The following CHD5 variants were observed in gnomAD, a reference collection of about 807,000 sequenced individuals.
CHD5 encodes ATP-dependent chromatin remodeler CHD5.
Under a neutral mutation model 230.3 loss-of-function variants are expected in CHD5, and 69 were observed. The observed-to-expected ratio is 0.30, with a 90% CI of 0.25 to 0.37. The LOEUF (loss-of-function observed/expected upper bound fraction) is 0.37. Among genes scored for constraint, CHD5 ranks in the 10% least tolerant of loss-of-function variants. The pLI is 1.00. For missense variants in CHD5, 1,827 were observed against 2,622.8 expected (o/e 0.70, Z 6.63); for synonymous variants, 1,064 against 1,065.9 (o/e 1.00, Z 0.03).
rs200695128 is a variant in CHD5 at position 6,110,012 on chromosome 1, G to A, written c.5383-22C>T. 4.2e-4 allele frequency: 630 copies of A among 1,502,810 alleles called. 2 individuals carry two copies. The East Asian group carries it at 0.012, about 28-fold the overall frequency. The allele number at this position is 1,502,810 out of a possible 1,614,324, so 93.1% of individuals were successfully genotyped here. ...GCAGCTGGGGGCGGGGCGCAGCGTC[G>A]GCCCGGCCCCTCCCGCTGAATGGCT... On this transcript the variant is annotated intron_variant, in intron 37 of 41. Transcript: ENST00000262450.
At chr1:6,138,400 T>C (rs563677948) in intron 15 of CHD5, among the ~76,000 whole-genome samples, 1 of 151,486 alleles carries the variant, frequency 6.6e-6, no homozygotes. Context: ...GCAAGCAAAT[T>C]TAAAACACCT....
At chr1:6,168,566 A>G (rs185958711) in intron 1 of CHD5, among the ~76,000 whole-genome samples, 1 of 152,384 alleles carries the variant, frequency 6.6e-6, no homozygotes, top group African/African-American at 2.4e-5. Context: ...CTGAACCTCC[A>G]TGAACAACAA....
intron 2 of CHD5, among the ~76,000 whole-genome samples, chr1:6,162,504 G>A (rs548695964): frequency 2.2e-4 from 33 of 152,286 alleles, no homozygotes; most frequent in African/African-American, 7.2e-4. Context: ...GGGATGGGAC[G>A]TGCACCCAGG....
In CHD5 at chr1:6,154,128, C is replaced by T. The variant is rs1168201203; in HGVS notation, c.745+532G>A. Reference sequence around the variant, plus strand: ...GCCCAGTCCCTCCAACTCCTGCCTGCTTCCCGGATCCTAAAGCTGGAGGGG... The same window carrying T: ...GCCCAGTCCCTCCAACTCCTGCCTGTTTCCCGGATCCTAAAGCTGGAGGGG... On this transcript the variant is annotated intron_variant, in intron 5 of 41. Transcript: ENST00000262450. The surrounding 1 kb of genome is among the most constrained non-coding windows in gnomAD (Gnocchi z 7.0). Among the ~76,000 whole-genome samples, 1 of 152,200 alleles carries T rather than the reference C, an allele frequency of 6.6e-6. No individual in the cohort carries two copies. The highest frequency in any genetic ancestry group is 1.5e-5 in the Non-Finnish European group (1 of 68,028).
At position 6,123,945 on chromosome 1, in the gene CHD5, G is replaced by C; in HGVS notation, c.4699+3C>G. 6.5e-7 allele frequency: 1 copy of C among 1,536,608 alleles called. No homozygotes were observed. Among genetic ancestry groups the C allele is most frequent in the Non-Finnish European group, 8.7e-7 (1 of 1,144,964 alleles). ...CCCTCCCCGGCCCGCCCAGCCCACA[G>C]ACCTGGCAGGCCCAGCGGGGCTGGC... On this transcript the variant is annotated splice_donor_region_variant and intron_variant, in intron 31 of 41. Coordinates refer to ENST00000262450, the MANE Select transcript of CHD5 (RefSeq NM_015557.3).
In CHD5 at chr1:6,151,849, G is replaced by A. The variant is rs550333048; in HGVS notation, c.870+563C>T. 3.5e-4 allele frequency among the ~76,000 whole-genome samples: 53 copies of A among 152,270 alleles called. 1 individual carries two copies. Among genetic ancestry groups the A allele is most frequent in the Admixed American group, 2.3e-3 (35 of 15,306 alleles). ...AGCTACCTGTGGGGGTGAGGAGGGC[G>A]AATGCCCCTCACACTCACAGAGAAA... On this transcript the variant is annotated intron_variant, in intron 6 of 41. Transcript: ENST00000262450.
intron 1 of CHD5, among the ~76,000 whole-genome samples, chr1:6,170,989 C>A (rs1202347928): frequency 6.6e-6 from 1 of 152,226 alleles, no homozygotes; most frequent in African/African-American, 2.4e-5. Context: ...CTGGCGGTGC[C>A]CAGCACTGCT....
chr1:6,150,938 C>T, intron 7 of CHD5, 94 bp downstream of exon 7: 1 of 1,353,342 alleles, frequency 7.4e-7, no homozygotes, highest in African/African-American at 1.5e-5. Flanking sequence ...GCACATCCAC[C>T]CGGCAGGCCG....
At position 6,128,268 on chromosome 1, in the gene CHD5, C is replaced by T. The variant is rs1557544681; in HGVS notation, c.3731-50G>A. The T allele has an allele frequency of 4.4e-6, 7 of 1,576,654 alleles. No homozygotes were observed. The East Asian group carries it at 1.6e-4, about 35-fold the overall frequency. ...GAGGACAAAGACTGCCCTGGTCCAG[C>T]CCCGGGGTCCCAGGAACAGACTCCC... On this transcript the variant is annotated intron_variant, in intron 24 of 41. Coordinates refer to ENST00000262450, the MANE Select transcript of CHD5 (RefSeq NM_015557.3). This position sits in a 1 kb window ranked among gnomAD's most constrained non-coding sequence, Gnocchi z 7.8.
chr1:6,170,029 G>T (rs897300920), intron 1 of CHD5, among the ~76,000 whole-genome samples: 1 of 152,118 alleles, frequency 6.6e-6, no homozygotes, highest in African/African-American at 2.4e-5. Flanking sequence ...CCCAGGAAGG[G>T]GGCAGAGTGT....
intron 6 of CHD5, among the ~76,000 whole-genome samples, chr1:6,151,600 G>A (rs1399047970): frequency 6.6e-6 from 1 of 152,216 alleles, no homozygotes; most frequent in Non-Finnish European, 1.5e-5. Flanking sequence ...TGCCTGCCAG[G>A]TGACGAGTGC....
intron 20 of CHD5, among the ~76,000 whole-genome samples, chr1:6,132,880 T>TTTTCTC (rs1666679811): frequency 6.9e-6 from 1 of 144,428 alleles, no homozygotes; most frequent in Non-Finnish European, 1.5e-5. Context: ...TCCTATTCTT[T>TTTTCTC]TCTCTCTCTC....
chr1:6,159,025 A>AAAAG (rs1553142395), intron 3 of CHD5, among the ~76,000 whole-genome samples: 5 of 149,676 alleles, frequency 3.3e-5, no homozygotes, highest in African/African-American at 9.9e-5. Context: ...AAAAAAAAAA[A>AAAAG]AGAGATGGGG....
intron 1 of CHD5, among the ~76,000 whole-genome samples, chr1:6,174,702 G>C (rs1255078704): frequency 6.6e-6 from 1 of 151,420 alleles, no homozygotes; most frequent in African/African-American, 2.4e-5. Context: ...TGGGTGGATG[G>C]ATGAATGGAT....
In CHD5 at chr1:6,130,117, T is replaced by C. The variant is rs952870912; in HGVS notation, c.3387+87A>G. On this transcript the variant is annotated intron_variant, in intron 22 of 41. Transcript: ENST00000262450. The surrounding 1 kb of genome is among the most constrained non-coding windows in gnomAD (Gnocchi z 4.9). Reference sequence around the variant, plus strand: ...AGCACCAGGATAGGTGAGGGGGTGATGGCAAGAAGGGCATGAAGGACAGAA... The same window carrying C: ...AGCACCAGGATAGGTGAGGGGGTGACGGCAAGAAGGGCATGAAGGACAGAA... 8 of 1,492,954 alleles carry C rather than the reference T, an allele frequency of 5.4e-6. No homozygotes were observed. Among genetic ancestry groups the C allele is most frequent in the South Asian group, 2.4e-5 (2 of 84,442 alleles). 92.5% of individuals were successfully genotyped at this position (1,492,954 alleles called of 1,614,324 possible). A position where few individuals can be genotyped will look rare whatever the true frequency, so the allele number is the denominator to read the frequency against.
rs1666467019 is a variant in CHD5 at position 6,121,311 on chromosome 1, G to T, written c.4780-74C>A. The T allele has an allele frequency of 6.4e-7, 1 of 1,566,950 alleles. No individual in the cohort carries two copies. The highest frequency in any genetic ancestry group is 8.7e-7 in the Non-Finnish European group (1 of 1,154,962). On this transcript the variant is annotated intron_variant, in intron 32 of 41. Coordinates refer to ENST00000262450, the MANE Select transcript of CHD5 (RefSeq NM_015557.3). This position sits in a 1 kb window ranked among gnomAD's most constrained non-coding sequence, Gnocchi z 4.5. ...AACGGAGGGCGGGGAACGTGCGCTG[G>T]GCTGGGAACCCAGTCTCCTGGCTCC...
At chr1:6,157,084 T>A (rs1438060936) in intron 3 of CHD5, among the ~76,000 whole-genome samples, 1 of 152,236 alleles carries the variant, frequency 6.6e-6, no homozygotes, top group Non-Finnish European at 1.5e-5. Flanking sequence ...TTAGCAATTG[T>A]TAGCACCCAA....
intron 2 of CHD5, among the ~76,000 whole-genome samples, chr1:6,160,020 A>AGCCAGAG (rs1571167142): frequency 1.5e-5 from 2 of 137,122 alleles, no homozygotes; most frequent in Admixed American, 7.1e-5. Context: ...GCCAGAGAAG[A>AGCCAGAG]AAAGCCCCAG....
In CHD5 at chr1:6,134,980, A is replaced by AC. The variant is rs1347621082; in HGVS notation, c.2871-122dup. 14 of 1,329,824 alleles carry AC rather than the reference A, an allele frequency of 1.1e-5. No individual in the cohort carries two copies. Among genetic ancestry groups the AC allele is most frequent in the Admixed American group, 2.0e-5 (1 of 50,902 alleles). The allele number at this position is 1,329,824 out of a possible 1,614,324, so 82.4% of individuals were successfully genotyped here. On this transcript the variant is annotated intron_variant, in intron 18 of 41. Transcript: ENST00000262450. The surrounding 1 kb of genome is among the most constrained non-coding windows in gnomAD (Gnocchi z 6.3). ...ACCCATTTACAGAGAGACCCAAGGG[A>AC]CCCCCAAGAGGTGAAGCCACCGGCC...
Sources: allele counts gnomAD v4.1 joint callset (sites outside exome capture counted in the v4.1 genomes callset), GRCh38; gene constraint gnomAD v4.1.1; non-coding constraint Gnocchi (gnomAD v3.1); transcripts MANE v1.5; gene names NCBI Gene and HGNC (gene_info 2026-07-23, HGNC 2026-07-21).